Variants in EIF3E observed in about 807,000 individuals in gnomAD.
EIF3E encodes eIF-3 p48.
Under a neutral mutation model 59.3 loss-of-function variants are expected in EIF3E, and 25 were observed. The observed-to-expected ratio is 0.42, with a 90% CI of 0.31 to 0.59. The LOEUF is 0.59. Ranked by LOEUF, EIF3E falls within the 20% of genes least tolerant of loss-of-function variation. EIF3E has a pLI of 0.15. For missense variants in EIF3E, 317 were observed against 534.3 expected (o/e 0.59, Z 4.01); for synonymous variants, 176 against 170.2 (o/e 1.03, Z -0.26).
chr8:108,210,117 G>A (rs2129851648), intron 10 of EIF3E, among the ~76,000 whole-genome samples: 1 of 151,548 alleles, frequency 6.6e-6, no homozygotes, highest in Admixed American at 6.6e-5. Context: ...AGTCTATGGG[G>A]TCTCCCTCCA....
chr8:108,237,200 A>G (rs1042365131), intron 3 of EIF3E, among the ~76,000 whole-genome samples: 2 of 151,866 alleles, frequency 1.3e-5, no homozygotes, highest in African/African-American at 4.9e-5. Context: ...ATAAAGAAAG[A>G]CATCAAGGGA....
At chr8:108,233,824 A>AAG (rs1815670254) in intron 5 of EIF3E, among the ~76,000 whole-genome samples, 1 of 134,888 alleles carries the variant, frequency 7.4e-6, no homozygotes, top group Non-Finnish European at 1.6e-5. Flanking sequence ...GGGTGAGAGC[A>AAG]AGACCCTGTC....
chr8:108,245,513 G>A (rs891689630), intron 1 of EIF3E, among the ~76,000 whole-genome samples: 6 of 152,180 alleles, frequency 3.9e-5, no homozygotes, highest in East Asian at 1.9e-4. Flanking sequence ...CCAGAAGAGC[G>A]TAGTGTTTTA....
intron 10 of EIF3E, among the ~76,000 whole-genome samples, chr8:108,206,406 T>G (rs1815101416): frequency 6.6e-6 from 1 of 152,092 alleles, no homozygotes; most frequent in South Asian, 2.1e-4. Flanking sequence ...CCAGTTCTAA[T>G]CTGGAGATTT....
At position 108,221,823 on chromosome 8, in the gene EIF3E, C is replaced by CACACAT. The variant is rs1318054637; in HGVS notation, c.723-4364_723-4363insATGTGT. Among the ~76,000 whole-genome samples the CACACAT allele has an allele frequency of 1.3e-3, 205 of 152,220 alleles. 1 individual carries two copies. Among genetic ancestry groups the CACACAT allele is most frequent in the African/African-American group, 4.8e-3 (200 of 41,532 alleles). On this transcript the variant is annotated intron_variant, in intron 7 of 12. Transcript: ENST00000220849. ...ACACACACGCACACACACACACACA[C>CACACAT]AAAGTGGCTGTTTTCCAATAAAAAG... is the stretch of plus-strand genomic sequence containing the variant.
chr8:108,209,348 G>T (rs905276281), intron 10 of EIF3E, among the ~76,000 whole-genome samples: 8 of 152,036 alleles, frequency 5.3e-5, no homozygotes, highest in Non-Finnish European at 1.0e-4. Context: ...TTCATTTGGA[G>T]AGTTATCAGG....
intron 7 of EIF3E, among the ~76,000 whole-genome samples, chr8:108,221,157 A>T (rs1025774530): frequency 9.2e-5 from 14 of 152,020 alleles, no homozygotes; most frequent in Non-Finnish European, 1.5e-4. Flanking sequence ...CCCCTCAGAC[A>T]CTTAACTGAA....
In EIF3E at chr8:108,234,960, C is replaced by CAAAAAAAAAAA. The variant is rs3075616; in HGVS notation, c.471+27_471+37dup. ...AGAACCAAGGGAATCCTACAAAAGA[C>CAAAAAAAAAAA]AAAAAAAAAAAAAAAAAAAACATGT... On this transcript the variant is annotated intron_variant, in intron 5 of 12. Coordinates refer to ENST00000220849, the MANE Select transcript of EIF3E (RefSeq NM_001568.3). 5.8e-5 allele frequency: 51 copies of CAAAAAAAAAAA among 873,870 alleles called. 1 individual carries two copies. The highest frequency in any genetic ancestry group is 3.7e-4 in the Middle Eastern group (1 of 2,718). 54.1% of individuals were successfully genotyped at this position (873,870 alleles called of 1,614,324 possible).
intron 1 of EIF3E, among the ~76,000 whole-genome samples, chr8:108,244,806 GA>G (rs914329924): frequency 1.3e-5 from 2 of 151,588 alleles, no homozygotes; most frequent in South Asian, 2.1e-4. Flanking sequence ...ACTAACTCTG[GA>G]AAAAAAGTCA....
intron 10 of EIF3E, among the ~76,000 whole-genome samples, chr8:108,208,548 T>C (rs1276312436): frequency 6.6e-6 from 1 of 152,116 alleles, no homozygotes; most frequent in Non-Finnish European, 1.5e-5. Flanking sequence ...CTGAACCTTA[T>C]TGATAATGCA....
chr8:108,203,474 G>C lies in EIF3E; in HGVS notation c.1091C>G (p.Pro364Arg). 1 of 1,612,666 alleles carries C rather than the reference G, an allele frequency of 6.2e-7. No individual in the cohort carries two copies. Among genetic ancestry groups the C allele is most frequent in the Non-Finnish European group, 8.5e-7 (1 of 1,179,048 alleles). Reference sequence around the variant, plus strand: ...TACAATCCACCTTTCAGCTTCTTCTGGAGTCATGTTCAATTTATCTGCCAA... The same window carrying C: ...TACAATCCACCTTTCAGCTTCTTCTCGAGTCATGTTCAATTTATCTGCCAA... ...NMLADKLNMT[P>R]EEAERWIVNL... The change falls in exon 11 of 13, where the codon CCA becomes CGA. Residue 364 changes from proline (P) to arginine (R), a missense_variant. By Grantham distance (103) the Pro-to-Arg change is moderately radical. Coordinates refer to ENST00000220849, the MANE Select transcript of EIF3E (RefSeq NM_001568.3).
chr8:108,240,138 G>A (rs749111275), intron 2 of EIF3E, 63 bp from the exon 3 acceptor site: 1 of 1,329,336 alleles, frequency 7.5e-7, no homozygotes, highest in Non-Finnish European at 1.1e-6. Flanking sequence ...TACTCATCAT[G>A]AGAATGTCTG....
chr8:108,229,225 G>A (rs1490593821), intron 5 of EIF3E, 30 bp from the exon 6 acceptor site: 1 of 1,604,424 alleles, frequency 6.2e-7, no homozygotes, highest in Non-Finnish European at 8.5e-7. Context: ...TAATTATATT[G>A]TGAATACTCT....
rs369275032 is a variant in EIF3E at position 108,228,396 on chromosome 8, A to C, written c.598-5T>G. The C allele has an allele frequency of 6.0e-6, 9 of 1,506,168 alleles. No homozygotes were observed. The highest frequency in any genetic ancestry group is 8.0e-6 in the Non-Finnish European group (9 of 1,130,302). The allele number at this position is 1,506,168 out of a possible 1,614,324, so 93.3% of individuals were successfully genotyped here. On this transcript the variant is annotated splice_region_variant and splice_polypyrimidine_tract_variant and intron_variant, in intron 6 of 12. Transcript: ENST00000220849. Reference sequence around the variant, plus strand: ...CTGAAGTGGAGAACTCACAGACTAAAGGATTTAAAAATATATACATAAAAA... The same window carrying C: ...CTGAAGTGGAGAACTCACAGACTAACGGATTTAAAAATATATACATAAAAA...
chr8:108,221,149 C>G (rs1288149415), intron 7 of EIF3E, among the ~76,000 whole-genome samples: 1 of 151,842 alleles, frequency 6.6e-6, no homozygotes. Flanking sequence ...GAAAAGAACC[C>G]CTCAGACACT....
intron 10 of EIF3E, among the ~76,000 whole-genome samples, chr8:108,205,097 T>C (rs1344660622): frequency 2.6e-5 from 4 of 152,176 alleles, no homozygotes; most frequent in South Asian, 2.1e-4. Flanking sequence ...TTTATCTTCA[T>C]GGAAGCTATC....
chr8:108,213,223 T>C (rs1212372210), intron 10 of EIF3E, among the ~76,000 whole-genome samples: 1 of 151,600 alleles, frequency 6.6e-6, no homozygotes, highest in East Asian at 1.9e-4. Flanking sequence ...GGCTGCAGAG[T>C]TAAAGGAAAA....
rs552040667 is a variant in EIF3E, at chr8:108,221,011, G to A, written c.723-3551C>T. On this transcript the variant is annotated intron_variant, in intron 7 of 12. Coordinates refer to ENST00000220849, the MANE Select transcript of EIF3E (RefSeq NM_001568.3). ...ATTCCACCACTGCACTCCAGACTGG[G>A]CGACAGAGCGAGACATGGACAGACA... Among the ~76,000 whole-genome samples, 4 of 149,318 alleles carry A rather than the reference G, an allele frequency of 2.7e-5. No individual in the cohort carries two copies. In the South Asian group the frequency reaches 6.3e-4, roughly 23 times the overall value.
chr8:108,228,151 A>G, intron 7 of EIF3E, 116 bp downstream of exon 7: 12 of 1,195,432 alleles, frequency 1.0e-5, no homozygotes, highest in South Asian at 2.0e-5. Context: ...TACATGAAGA[A>G]AAAAAAAAAC....
Sources: gnomAD v4.1 joint callset for allele counts (sites outside exome capture counted in the v4.1 genomes callset) on GRCh38, gnomAD v4.1.1 for gene constraint, MANE v1.5 for transcripts, NCBI Gene and HGNC (gene_info 2026-07-23, HGNC 2026-07-21) for gene names.